The following CRKL variants were observed in gnomAD, a reference collection of about 807,000 sequenced individuals.
CRKL encodes CRK like proto-oncogene, adaptor protein, also known as crk-like protein.
A neutral mutation model predicts 23.0 loss-of-function variants in CRKL; 3 were observed. The observed-to-expected ratio is 0.13, with a 90% confidence interval of 0.06 to 0.34. The LOEUF (loss-of-function observed/expected upper bound fraction) is 0.34, where lower values mean the gene tolerates loss of function less well. CRKL is among the 10% of genes least tolerant of loss of function. The pLI, the probability that CRKL is intolerant of heterozygous loss-of-function variation, is 1.00. For synonymous variants in CRKL, 188 were observed against 160.7 expected (o/e 1.17, Z -1.28); for missense variants, 256 against 394.5 (o/e 0.65, Z 2.97).
chr22:20,917,598 G>T lies in CRKL; in HGVS notation c.-337G>T. On this transcript the variant is annotated 5_prime_UTR_variant, in exon 1 of 3. It adds an upstream start codon to the 5' untranslated region. Coordinates refer to ENST00000354336, the MANE Select transcript of CRKL (RefSeq NM_005207.4). ...CGAGCTGCGGCGCCGGCGCGTTCCAGGCCGGGAGTCACTGGAGGCACCCCT... is the reference window on the plus strand; with the variant it reads ...CGAGCTGCGGCGCCGGCGCGTTCCATGCCGGGAGTCACTGGAGGCACCCCT... The T allele has an allele frequency of 5.6e-6, 2 of 356,882 alleles. No homozygotes were observed. Among genetic ancestry groups the T allele is most frequent in the Middle Eastern group, 7.3e-4 (1 of 1,376 alleles). The allele number at this position is 356,882 out of a possible 1,614,324, so 22.1% of individuals were successfully genotyped here.
At chr22:20,936,603 G>A (rs1472460667) in intron 2 of CRKL, among the ~76,000 whole-genome samples, 8 of 151,958 alleles carry the variant, frequency 5.3e-5, no homozygotes, top group Admixed American at 3.9e-4. Context: ...TGCCCACCTC[G>A]GCCTCCCAAA....
Position 20,927,513 on chromosome 22 carries a change from CTT to C in CRKL, c.312-6250_312-6249del, listed in dbSNP as rs1555919011. Among the ~76,000 whole-genome samples, 195 of 139,872 alleles carry C rather than the reference CTT, an allele frequency of 1.4e-3. 1 individual carries two copies. The East Asian group carries it at 0.036, about 26-fold the overall frequency. The allele number at this position is 139,872 out of a possible 152,430, so 91.8% of individuals were successfully genotyped here. A position where few individuals can be genotyped will look rare whatever the true frequency, so the allele number is the denominator to read the frequency against. On this transcript the variant is annotated intron_variant, in intron 1 of 2. Coordinates refer to ENST00000354336, the MANE Select transcript of CRKL (RefSeq NM_005207.4). ...GCCCAGCTGGAATTAAGTTTTCTAC[CTT>C]TTTTTTTTTTTTTTTAACTGTGAAA...
intron 1 of CRKL, among the ~76,000 whole-genome samples, chr22:20,929,401 T>G (rs894635893): frequency 1.3e-5 from 2 of 151,986 alleles, no homozygotes; most frequent in South Asian, 2.1e-4. Flanking sequence ...TCCTGACCTC[T>G]TGATCCGCCC....
intron 1 of CRKL, among the ~76,000 whole-genome samples, chr22:20,918,841 C>T (rs555042595): frequency 7.2e-5 from 11 of 152,234 alleles, no homozygotes; most frequent in African/African-American, 2.2e-4. Context: ...CCGCCTGCCT[C>T]GGTCTCCCAA....
chr22:20,938,724 T>C (rs1009812544), intron 2 of CRKL, among the ~76,000 whole-genome samples: 2 of 152,244 alleles, frequency 1.3e-5, no homozygotes, highest in African/African-American at 4.8e-5. Flanking sequence ...TATGCTTTTC[T>C]GACTAAAACG....
At chr22:20,926,116 TAGA>T (rs1285751033) in intron 1 of CRKL, among the ~76,000 whole-genome samples, 1 of 152,130 alleles carries the variant, frequency 6.6e-6, no homozygotes, top group East Asian at 1.9e-4. Flanking sequence ...GAGGTGGTGG[TAGA>T]AGAGATGGTG....
At chr22:20,946,324 AT>A (rs1922052117) in intron 2 of CRKL, among the ~76,000 whole-genome samples, 1 of 152,134 alleles carries the variant, frequency 6.6e-6, no homozygotes, top group Non-Finnish European at 1.5e-5. Flanking sequence ...GTAGGAAACT[AT>A]TGCCAGCAGC....
At position 20,934,209 on chromosome 22, in the gene CRKL, C is replaced by A. The variant is rs1283293456; in HGVS notation, c.742C>A (p.Pro248Thr). The A allele has an allele frequency of 6.2e-7, 1 of 1,614,060 alleles. No individual in the cohort carries two copies. The highest frequency in any genetic ancestry group is 8.5e-7 in the Non-Finnish European group (1 of 1,179,942). The change falls in exon 2 of 3, where the codon CCC becomes ACC. Residue 248 changes from proline to threonine, a missense_variant. Coordinates refer to ENST00000354336, the MANE Select transcript of CRKL (RefSeq NM_005207.4). ...VFAKAIQKRV[P>T]CAYDKTALAL... ...TGCGAAAGCAATCCAGAAAAGAGTA[C>A]CCTGTGCTTATGACAAGACTGCCTT...
intron 1 of CRKL, among the ~76,000 whole-genome samples, chr22:20,933,334 C>T (rs925060532): frequency 2.6e-5 from 4 of 151,666 alleles, no homozygotes; most frequent in African/African-American, 7.3e-5. Flanking sequence ...CCTGCCACTG[C>T]ACTCCAGCCT....
chr22:20,918,457 T>C (rs1360305781), intron 1 of CRKL, among the ~76,000 whole-genome samples: 1 of 151,744 alleles, frequency 6.6e-6, no homozygotes, highest in Admixed American at 6.6e-5. Flanking sequence ...CTCACGAGGC[T>C]GTTTCTCAAT....
At chr22:20,931,118 A>G (rs1457899157) in intron 1 of CRKL, among the ~76,000 whole-genome samples, 1 of 152,158 alleles carries the variant, frequency 6.6e-6, no homozygotes, top group African/African-American at 2.4e-5. Context: ...CTCTTGAAAT[A>G]GCAGGGGCTG....
intron 1 of CRKL, among the ~76,000 whole-genome samples, chr22:20,925,989 C>T (rs1921187779): frequency 6.6e-6 from 1 of 152,072 alleles, no homozygotes; most frequent in Non-Finnish European, 1.5e-5. Flanking sequence ...AATTAGAATG[C>T]CATGACAGCT....
At chr22:20,928,357 T>A (rs909400266) in intron 1 of CRKL, among the ~76,000 whole-genome samples, 3 of 151,766 alleles carry the variant, frequency 2.0e-5, no homozygotes, top group African/African-American at 7.3e-5. Context: ...CATGGGAGGC[T>A]GAGGTGGGAG....
chr22:20,927,913 G>C (rs1921290451), intron 1 of CRKL, among the ~76,000 whole-genome samples: 1 of 146,358 alleles, frequency 6.8e-6, no homozygotes, highest in Non-Finnish European at 1.5e-5. Context: ...TGTAATCCCA[G>C]CACTTTGGGA....
At chr22:20,922,677 TTTTA>T (rs562301679) in intron 1 of CRKL, among the ~76,000 whole-genome samples, 165 of 152,286 alleles carry the variant, frequency 1.1e-3, no homozygotes, top group South Asian at 2.7e-3. Context: ...GTGGATTTTA[TTTTA>T]TTTATTTTTT....
At chr22:20,921,906 C>A (rs1453370137) in intron 1 of CRKL, among the ~76,000 whole-genome samples, 1 of 150,182 alleles carries the variant, frequency 6.7e-6, no homozygotes, top group Non-Finnish European at 1.5e-5. Context: ...GACGGGGTTT[C>A]ACCATGTTAG....
At chr22:20,930,680 CTTTTTTTTTTTT>C (rs151090592) in intron 1 of CRKL, among the ~76,000 whole-genome samples, 5 of 48,050 alleles carry the variant, frequency 1.0e-4, no homozygotes, top group African/African-American at 2.8e-4. Context: ...ACACGCCTGG[CTTTTTTTTTTTT>C]TTTTTTTTTT....
intron 1 of CRKL, among the ~76,000 whole-genome samples, chr22:20,928,988 G>A (rs1234135972): frequency 6.6e-6 from 1 of 152,008 alleles, no homozygotes; most frequent in Non-Finnish European, 1.5e-5. Context: ...AACTGAGAAC[G>A]CTTTTAACCA....
rs1260098386 is a variant in CRKL at position 20,950,927 on chromosome 22, T to C, written c.*1082T>C. On this transcript the variant is annotated 3_prime_UTR_variant, in exon 3 of 3. Coordinates refer to ENST00000354336, the MANE Select transcript of CRKL (RefSeq NM_005207.4). Reference sequence around the variant, plus strand: ...AACACACAAAATAATGCAGTTGTGGTGTGCCATGCTATGTGCACAGCCCCT... The same window carrying C: ...AACACACAAAATAATGCAGTTGTGGCGTGCCATGCTATGTGCACAGCCCCT... The C allele has an allele frequency of 4.3e-6, 1 of 232,302 alleles. No homozygotes were observed. Among genetic ancestry groups the C allele is most frequent in the Non-Finnish European group, 8.5e-6 (1 of 117,506 alleles). 14.4% of individuals were successfully genotyped at this position (232,302 alleles called of 1,614,324 possible). A position where few individuals can be genotyped will look rare whatever the true frequency, so the allele number is the denominator to read the frequency against.
Sources: allele counts gnomAD v4.1 joint callset (sites outside exome capture counted in the v4.1 genomes callset), GRCh38; gene constraint gnomAD v4.1.1; transcripts MANE v1.5; gene names NCBI Gene and HGNC (gene_info 2026-07-23, HGNC 2026-07-21).